Variants in MNAT1 observed in about 807,000 individuals in gnomAD.
The protein encoded by MNAT1 is MNAT1 component of CDK activating kinase, also known as CDK-activating kinase assembly factor MAT1.
MNAT1 carries 43 observed loss-of-function variants against 42.0 expected under a neutral mutation model. The observed-to-expected ratio is 1.02, with a 90% CI of 0.80 to 1.32. The LOEUF is 1.32. Among genes scored for constraint, MNAT1 ranks in the 40% most tolerant of loss-of-function variants. The pLI, the probability that MNAT1 is intolerant of heterozygous loss-of-function variation, is 0.00. For synonymous variants in MNAT1, 118 were observed against 120.0 expected (o/e 0.98, Z 0.11); for missense variants, 306 against 350.4 (o/e 0.87, Z 1.01).
rs538116695 is a variant in MNAT1 at position 60,938,700 on chromosome 14, T to G, written c.810-29529T>G. 1.5e-4 allele frequency among the ~76,000 whole-genome samples: 23 copies of G among 152,256 alleles called. No individual in the cohort carries two copies. In the East Asian group the frequency reaches 3.1e-3, roughly 20 times the overall value. ...ATATTGGTCTAAAATTCTCTTTTTT[T>G]GTTGTGTCTCTGCCCGGCTTTGGTA... On this transcript the variant is annotated intron_variant, in intron 7 of 7. Coordinates refer to ENST00000261245, the MANE Select transcript of MNAT1 (RefSeq NM_002431.4).
chr14:60,803,126 G>A (rs1459083255), intron 3 of MNAT1, among the ~76,000 whole-genome samples: 1 of 151,574 alleles, frequency 6.6e-6, no homozygotes, highest in East Asian at 1.9e-4. Flanking sequence ...TAGTAGAAAC[G>A]GGATTTCACC....
At chr14:60,863,863 T>C (rs894777261) in intron 6 of MNAT1, among the ~76,000 whole-genome samples, 1 of 152,086 alleles carries the variant, frequency 6.6e-6, no homozygotes, top group Non-Finnish European at 1.5e-5. Flanking sequence ...AAGGATTGAT[T>C]AGTATAGTCA....
At chr14:60,770,790 T>C (rs1456356798) in intron 1 of MNAT1, among the ~76,000 whole-genome samples, 1 of 152,224 alleles carries the variant, frequency 6.6e-6, no homozygotes, top group African/African-American at 2.4e-5. Flanking sequence ...ATTTGTTCTT[T>C]TCAACTTACT....
chr14:60,823,442 A>G (rs972231883), intron 6 of MNAT1, among the ~76,000 whole-genome samples: 1 of 152,212 alleles, frequency 6.6e-6, no homozygotes, highest in Non-Finnish European at 1.5e-5. Context: ...TGGAGAGGAA[A>G]AAAAATTTCT....
At chr14:60,804,961 C>T (rs2032321783) in intron 3 of MNAT1, among the ~76,000 whole-genome samples, 2 of 152,150 alleles carry the variant, frequency 1.3e-5, no homozygotes, top group Admixed American at 1.3e-4. Context: ...TTTGAACATA[C>T]TAGTAGAGCT....
intron 1 of MNAT1, among the ~76,000 whole-genome samples, chr14:60,741,857 C>G (rs1345497403): frequency 6.6e-6 from 1 of 151,800 alleles, no homozygotes; most frequent in Non-Finnish European, 1.5e-5. Context: ...GGAGACTCTA[C>G]TTCACTGGGT....
intron 6 of MNAT1, among the ~76,000 whole-genome samples, chr14:60,854,563 G>A (rs904253805): frequency 2.0e-5 from 3 of 152,052 alleles, no homozygotes; most frequent in African/African-American, 4.8e-5. Flanking sequence ...TCCCTTCTTC[G>A]GCAGGTCTGC....
At chr14:60,799,386 A>G (rs1202233021) in intron 3 of MNAT1, 5 of 985,302 alleles carry the variant, frequency 5.1e-6, no homozygotes, top group Non-Finnish European at 6.0e-6. Context: ...CTGGGCAAGT[A>G]TGAAGGTATG....
chr14:60,912,146 C>T (rs930197755), intron 7 of MNAT1, among the ~76,000 whole-genome samples: 17 of 152,202 alleles, frequency 1.1e-4, no homozygotes, highest in African/African-American at 3.9e-4. Flanking sequence ...ATTGCAACCC[C>T]TGCCTTTTTT....
chr14:60,785,529 A>G (rs2031620261), intron 1 of MNAT1, among the ~76,000 whole-genome samples: 1 of 152,184 alleles, frequency 6.6e-6, no homozygotes, highest in Non-Finnish European at 1.5e-5. Flanking sequence ...TTTTAGAACT[A>G]TTTCACCTTG....
At chr14:60,858,041 G>T (rs1264479541) in intron 6 of MNAT1, among the ~76,000 whole-genome samples, 3 of 152,162 alleles carry the variant, frequency 2.0e-5, no homozygotes, top group African/African-American at 7.2e-5. Flanking sequence ...ACATACGTGT[G>T]CATGTGTCTT....
At chr14:60,911,136 T>C (rs1045125474) in intron 7 of MNAT1, among the ~76,000 whole-genome samples, 2 of 152,232 alleles carry the variant, frequency 1.3e-5, no homozygotes, top group East Asian at 1.9e-4. Context: ...TATTCTCTGA[T>C]GGTAGTTTGT....
chr14:60,898,984 A>G (rs751203557), intron 7 of MNAT1, among the ~76,000 whole-genome samples: 15 of 151,964 alleles, frequency 9.9e-5, no homozygotes, highest in Non-Finnish European at 2.9e-5. Context: ...TGAATATCCA[A>G]TTTTCCCAGC....
chr14:60,858,041 G>A (rs1264479541), intron 6 of MNAT1, among the ~76,000 whole-genome samples: 1 of 152,162 alleles, frequency 6.6e-6, no homozygotes, highest in Non-Finnish European at 1.5e-5. Context: ...ACATACGTGT[G>A]CATGTGTCTT....
At chr14:60,846,470 CTTCTT>C (rs1201888393) in intron 6 of MNAT1, among the ~76,000 whole-genome samples, 1 of 152,004 alleles carries the variant, frequency 6.6e-6, no homozygotes, top group Non-Finnish European at 1.5e-5. Flanking sequence ...AAGCTTTGCT[CTTCTT>C]TTCCTAATTT....
At chr14:60,838,004 C>T (rs1324171971) in intron 6 of MNAT1, among the ~76,000 whole-genome samples, 1 of 152,166 alleles carries the variant, frequency 6.6e-6, no homozygotes, top group African/African-American at 2.4e-5. Flanking sequence ...TCTAGTAATG[C>T]TTCTCTTTTA....
chr14:60,859,130 A>AT (rs1222769129), intron 6 of MNAT1, among the ~76,000 whole-genome samples: 1 of 152,174 alleles, frequency 6.6e-6, no homozygotes, highest in Non-Finnish European at 1.5e-5. Flanking sequence ...GATACATTGA[A>AT]TTTTGTCCTT....
intron 7 of MNAT1, among the ~76,000 whole-genome samples, chr14:60,942,915 G>A (rs989052825): frequency 2.0e-5 from 3 of 151,484 alleles, no homozygotes; most frequent in Admixed American, 2.0e-4. Flanking sequence ...TTAATTTACA[G>A]ATGTATTTTT....
At chr14:60,921,803 C>A (rs929203728) in intron 7 of MNAT1, among the ~76,000 whole-genome samples, 2 of 152,062 alleles carry the variant, frequency 1.3e-5, no homozygotes, top group Non-Finnish European at 2.9e-5. Context: ...TCCTAAAGAA[C>A]AGGAATGGAA....
Sources: gnomAD v4.1 joint callset for allele counts (sites outside exome capture counted in the v4.1 genomes callset) on GRCh38, gnomAD v4.1.1 for gene constraint, MANE v1.5 for transcripts, NCBI Gene and HGNC (gene_info 2026-07-23, HGNC 2026-07-21) for gene names.